The following WWOX variants were observed in gnomAD, a reference collection of about 807,000 sequenced individuals.
WWOX encodes WW domain-containing oxidoreductase.
In WWOX, 69 loss-of-function variants were observed where a neutral mutation model predicts 46.2. That is an observed-to-expected ratio of 1.49 (90% CI 1.23 to 1.82). The LOEUF (loss-of-function observed/expected upper bound fraction) is 1.82, where lower values mean the gene tolerates loss of function less well. Ranked by LOEUF, WWOX falls within the 40% of genes most tolerant of loss-of-function variation. The probability of loss-of-function intolerance (pLI) is 0.00; values close to 1 mark genes in which losing one functional copy is unlikely to be tolerated. For synonymous variants in WWOX, 359 were observed against 202.6 expected (o/e 1.77, Z -6.56); for missense variants, 919 against 542.6 (o/e 1.69, Z -6.89).
At chr16:78,342,134 A>G (rs34644513) in intron 5 of WWOX, among the ~76,000 whole-genome samples, 27,156 of 120,144 alleles carry the variant, frequency 0.23, 8,704 homozygotes, top group African/African-American at 0.38. Context: ...GTTCAAGAAG[A>G]AATACAAACT....
At chr16:78,685,374 C>T (rs1219156969) in intron 8 of WWOX, among the ~76,000 whole-genome samples, 1 of 152,098 alleles carries the variant, frequency 6.6e-6, no homozygotes, top group Non-Finnish European at 1.5e-5. Flanking sequence ...TATTCAGAGT[C>T]TGACACAATA....
chr16:78,548,696 T>C (rs759077848), intron 8 of WWOX, among the ~76,000 whole-genome samples: 1 of 152,358 alleles, frequency 6.6e-6, no homozygotes, highest in South Asian at 2.1e-4. Flanking sequence ...TTCCAATTTA[T>C]TTAATTAATT....
chr16:78,683,653 C>T lies in WWOX; in HGVS notation c.1056+250901C>T, dbSNP rs538588232. Among the ~76,000 whole-genome samples the T allele has an allele frequency of 3.3e-5, 5 of 152,264 alleles. No individual in the cohort carries two copies. The South Asian group carries it at 8.3e-4, about 25-fold the overall frequency. On this transcript the variant is annotated intron_variant, in intron 8 of 8. Coordinates refer to ENST00000566780, the MANE Select transcript of WWOX (RefSeq NM_016373.4). ...CTGGGTTCACGTGATCCTCCTGCCT[C>T]GGCTTCCCAAAGTGCTGGGATTACA...
intron 8 of WWOX, among the ~76,000 whole-genome samples, chr16:79,097,613 AT>A (rs2049103318): frequency 1.3e-5 from 2 of 152,192 alleles, no homozygotes; most frequent in Admixed American, 6.5e-5. Context: ...GGTTCTGAGA[AT>A]GACGACATTC....
intron 5 of WWOX, among the ~76,000 whole-genome samples, chr16:78,334,245 C>G (rs556379488): frequency 6.6e-6 from 1 of 152,188 alleles, no homozygotes; most frequent in African/African-American, 2.4e-5. Context: ...GTACAAAATT[C>G]ACTTTAGTTA....
At chr16:78,428,632 A>G (rs1420631644) in intron 7 of WWOX, among the ~76,000 whole-genome samples, 2 of 152,220 alleles carry the variant, frequency 1.3e-5, no homozygotes, top group Non-Finnish European at 2.9e-5. Flanking sequence ...CCTCTTAGAC[A>G]TTTAATTCAC....
At chr16:78,543,342 C>G (rs1474704921) in intron 8 of WWOX, among the ~76,000 whole-genome samples, 1 of 152,180 alleles carries the variant, frequency 6.6e-6, no homozygotes, top group African/African-American at 2.4e-5. Context: ...CCCCTGTGGG[C>G]TTAGAAGAAA....
At chr16:78,291,214 TAGC>T (rs1567480858) in intron 5 of WWOX, among the ~76,000 whole-genome samples, 1 of 152,230 alleles carries the variant, frequency 6.6e-6, no homozygotes, top group Non-Finnish European at 1.5e-5. Flanking sequence ...ATTCATAAAA[TAGC>T]AGATAAAATA....
chr16:78,422,774 CAT>C (rs771499867), intron 6 of WWOX, among the ~76,000 whole-genome samples: 1,555 of 113,804 alleles, frequency 0.014, 39 homozygotes, highest in Non-Finnish European at 0.017. Context: ...TATATACACA[CAT>C]ATATATATAC....
At chr16:79,115,030 C>T (rs1053359462) in intron 8 of WWOX, among the ~76,000 whole-genome samples, 3 of 152,206 alleles carry the variant, frequency 2.0e-5, no homozygotes, top group African/African-American at 4.8e-5. Context: ...AAGCCAAGTG[C>T]AAGTTCCTGC....
chr16:78,209,531 C>G (rs1226958424), intron 5 of WWOX, among the ~76,000 whole-genome samples: 1 of 152,176 alleles, frequency 6.6e-6, no homozygotes, highest in Admixed American at 6.5e-5. Flanking sequence ...CAAGCTCATG[C>G]AGGTATTTGA....
chr16:78,907,796 G>T (rs918989971), intron 8 of WWOX, among the ~76,000 whole-genome samples: 3 of 152,148 alleles, frequency 2.0e-5, no homozygotes, highest in African/African-American at 7.2e-5. Context: ...ATGTAATGGA[G>T]CCAGTCCTAG....
At chr16:78,356,071 T>TAAAAAAAAAAAAAAAAA (rs61113878) in intron 5 of WWOX, among the ~76,000 whole-genome samples, 29 of 76,132 alleles carry the variant, frequency 3.8e-4, no homozygotes, top group African/African-American at 7.9e-4. Context: ...TTTTTTTTCC[T>TAAAAAAAAAAAAAAAAA]AAAAAAAAAA....
intron 5 of WWOX, among the ~76,000 whole-genome samples, chr16:78,379,366 T>C (rs2081902166): frequency 6.6e-6 from 1 of 152,028 alleles, no homozygotes; most frequent in African/African-American, 2.4e-5. Flanking sequence ...TGCACATGAG[T>C]AGTCCCCCAG....
At chr16:78,400,135 T>G (rs1447062036) in intron 6 of WWOX, among the ~76,000 whole-genome samples, 1 of 152,216 alleles carries the variant, frequency 6.6e-6, no homozygotes, top group African/African-American at 2.4e-5. Context: ...AGTTTAACTT[T>G]TAAGCTTAAA....
chr16:78,357,420 T>A lies in WWOX; in HGVS notation c.517-29440T>A, dbSNP rs117187262. ...AGCCACTTCTCTTTCCAGTGGTGTTTGTATTTTGGTTCATTCAATCAATGA... is the reference window on the plus strand; with the variant it reads ...AGCCACTTCTCTTTCCAGTGGTGTTAGTATTTTGGTTCATTCAATCAATGA... On this transcript the variant is annotated intron_variant, in intron 5 of 8. Coordinates refer to ENST00000566780, the MANE Select transcript of WWOX (RefSeq NM_016373.4). Among the ~76,000 whole-genome samples the A allele has an allele frequency of 9.5e-3, 1,441 of 152,284 alleles. 8 individuals carry two copies. Among genetic ancestry groups the A allele is most frequent in the Middle Eastern group, 0.048 (14 of 294 alleles).
At chr16:78,747,784 T>G (rs371856189) in intron 8 of WWOX, among the ~76,000 whole-genome samples, 1 of 152,232 alleles carries the variant, frequency 6.6e-6, no homozygotes, top group Non-Finnish European at 1.5e-5. Flanking sequence ...TGGCAGAGCA[T>G]GGATTGCTCA....
chr16:78,513,747 C>T (rs937509391), intron 8 of WWOX, among the ~76,000 whole-genome samples: 2 of 152,042 alleles, frequency 1.3e-5, no homozygotes, highest in African/African-American at 2.4e-5. Flanking sequence ...TCTCATATAC[C>T]CCTCTAAGAA....
At chr16:79,133,903 C>T (rs2049932121) in intron 8 of WWOX, among the ~76,000 whole-genome samples, 1 of 152,002 alleles carries the variant, frequency 6.6e-6, no homozygotes, top group African/African-American at 2.4e-5. Context: ...TTTTTGGGGG[C>T]ATTTGTCAGG....
Sources: allele counts gnomAD v4.1 joint callset (sites outside exome capture counted in the v4.1 genomes callset), GRCh38; gene constraint gnomAD v4.1.1; transcripts MANE v1.5; gene names NCBI Gene and HGNC (gene_info 2026-07-23, HGNC 2026-07-21).